The following MICU3 variants were observed in gnomAD, a reference collection of about 807,000 sequenced individuals.
MICU3 encodes the protein mitochondrial calcium uptake 3.
MICU3 carries 62 observed loss-of-function variants against 66.5 expected under a neutral mutation model. The observed-to-expected ratio is 0.93, with a 90% CI of 0.76 to 1.15. The LOEUF is 1.15. Ranked by LOEUF, MICU3 falls within the 50% of genes most tolerant of loss-of-function variation. MICU3 has a pLI of 0.00. For missense variants in MICU3, 779 were observed against 664.4 expected (o/e 1.17, Z -1.90); for synonymous variants, 308 against 240.7 (o/e 1.28, Z -2.59).
the MICU3 span, among the ~76,000 whole-genome samples, chr8:17,137,418 T>C: frequency 0.31 from 45,946 of 149,756 alleles, 8,150 homozygotes; most frequent in Middle Eastern, 0.48. Flanking sequence ...TGATATTAAA[T>C]AGCACATAAA....
intron 5 of MICU3, chr8:17,081,968 T>C: frequency 3.1e-6 from 1 of 323,730 alleles, no homozygotes; most frequent in South Asian, 3.3e-5. Flanking sequence ...ATAAATTTAA[T>C]ATTACGTGTC....
rs1172875014 is a variant in MICU3, at chr8:17,121,737, A to G, written c.*1450A>G. The G allele has an allele frequency of 6.6e-6, 1 of 152,238 alleles. No individual in the cohort carries two copies. The allele number at this position is 152,238 out of a possible 1,614,324, so 9.4% of individuals were successfully genotyped here. ...CAAGAAAATGTTACTCTTAGCATTG[A>G]TTTTGTATGTTAGACTTTTTACATT... On this transcript the variant is annotated 3_prime_UTR_variant, in exon 15 of 15. Transcript: ENST00000318063.
chr8:17,049,610 T>C (rs1434074244), intron 1 of MICU3: 1 of 518,704 alleles, frequency 1.9e-6, no homozygotes, highest in Non-Finnish European at 3.8e-6. Flanking sequence ...AAGCTGGCAT[T>C]TGAACGTAGG....
At chr8:17,064,502 C>G (rs1331704944) in intron 2 of MICU3, among the ~76,000 whole-genome samples, 1 of 152,094 alleles carries the variant, frequency 6.6e-6, no homozygotes, top group Non-Finnish European at 1.5e-5. Flanking sequence ...CATATTCTGC[C>G]TCTTCATTCT....
At chr8:17,125,710 T>G (rs1451817090), downstream of MICU3, among the ~76,000 whole-genome samples, 1 of 152,086 alleles carries the variant, frequency 6.6e-6, no homozygotes, top group Admixed American at 6.6e-5. Flanking sequence ...ACCCCAAACT[T>G]CAATCCTCTC....
chr8:17,093,721 C>G (rs965636288), intron 8 of MICU3, among the ~76,000 whole-genome samples: 2 of 151,774 alleles, frequency 1.3e-5, no homozygotes, highest in Non-Finnish European at 2.9e-5. Context: ...TATGCTATCC[C>G]TAGATCTCTA....
At chr8:17,132,569 G>A in the MICU3 span, 6,688 of 152,204 alleles carry the variant, frequency 0.044, 233 homozygotes, top group Non-Finnish European at 0.067. Flanking sequence ...TTGGCAATAG[G>A]GATCAGTCAC....
At chr8:17,135,240 A>C in the MICU3 span, among the ~76,000 whole-genome samples, 1,135 of 152,180 alleles carry the variant, frequency 7.5e-3, 13 homozygotes, top group African/African-American at 0.026. Flanking sequence ...CCCTACTAGA[A>C]ATACCAAAAT....
intron 13 of MICU3, 56 bp from the exon 14 acceptor site, chr8:17,118,651 A>G: frequency 4.4e-6 from 5 of 1,123,602 alleles, no homozygotes; most frequent in Non-Finnish European, 6.6e-6. Flanking sequence ...TGTAAGTGAA[A>G]TCACGCTGTA....
intron 2 of MICU3, 80 bp from the exon 3 acceptor site, chr8:17,069,608 G>A (rs1020710412): frequency 1.3e-5 from 11 of 855,380 alleles, no homozygotes; most frequent in East Asian, 3.1e-5. Context: ...TATGAGTTAT[G>A]GTTGTAGATG....
chr8:17,046,230 G>C (rs1234585146), intron 1 of MICU3, among the ~76,000 whole-genome samples: 1 of 152,114 alleles, frequency 6.6e-6, no homozygotes, highest in Non-Finnish European at 1.5e-5. Flanking sequence ...TAACCTGTGG[G>C]ATCTAGCACT....
At chr8:17,129,231 G>A in the MICU3 span, among the ~76,000 whole-genome samples, 1 of 152,160 alleles carries the variant, frequency 6.6e-6, no homozygotes, top group Non-Finnish European at 1.5e-5. Context: ...CAACAGTGTA[G>A]TATCCATAAC....
intron 10 of MICU3, among the ~76,000 whole-genome samples, 196 bp downstream of exon 10, chr8:17,104,687 T>G (rs1801580124): frequency 6.6e-6 from 1 of 151,960 alleles, no homozygotes; most frequent in Admixed American, 6.6e-5. Flanking sequence ...AGGAAGTTAC[T>G]GAATTTTTTT....
chr8:17,065,312 A>G (rs1818513514), intron 2 of MICU3, among the ~76,000 whole-genome samples: 1 of 152,178 alleles, frequency 6.6e-6, no homozygotes, highest in Non-Finnish European at 1.5e-5. Context: ...GCTACTTGAC[A>G]TAGTAACTTT....
At position 17,027,599 on chromosome 8, in the gene MICU3, C is replaced by A. The variant is rs912229512; in HGVS notation, c.320C>A (p.Pro107His). 7 of 1,302,954 alleles carry A rather than the reference C, an allele frequency of 5.4e-6. No homozygotes were observed. In the African/African-American group the frequency reaches 1.1e-4, roughly 20 times the overall value. The allele number at this position is 1,302,954 out of a possible 1,614,324, so 80.7% of individuals were successfully genotyped here. A position where few individuals can be genotyped will look rare whatever the true frequency, so the allele number is the denominator to read the frequency against. The stretch of plus-strand genomic sequence containing the variant: ...CCCTCAAAGAGCGCGGCCACGGAGC[C>A]CGAGGACCCGCCCCGCGGCCGGGGG... The part of the protein sequence containing the change: ...GRPSKSAATE[P>H]EDPPRGRGML... The change falls in exon 1 of 15, where the codon CCC becomes CAC. Residue 107 changes from proline to histidine, a missense_variant. By Grantham distance (77) the Pro-to-His change is moderately conservative (BLOSUM62 -2). Coordinates refer to ENST00000318063, the MANE Select transcript of MICU3 (RefSeq NM_181723.3).
At chr8:17,074,463 A>G (rs543255076) in intron 3 of MICU3, among the ~76,000 whole-genome samples, 85 of 152,150 alleles carry the variant, frequency 5.6e-4, no homozygotes, top group Non-Finnish European at 1.1e-3. Flanking sequence ...TATGCTCACT[A>G]TAATATATTA....
the MICU3 span, among the ~76,000 whole-genome samples, chr8:17,138,396 T>C: frequency 1.3e-5 from 2 of 152,160 alleles, no homozygotes; most frequent in Non-Finnish European, 1.5e-5. Flanking sequence ...TCAACCGTCA[T>C]GGCAGGGTGG....
intron 7 of MICU3, among the ~76,000 whole-genome samples, 194 bp downstream of exon 7, chr8:17,087,229 AAAC>A (rs939362554): frequency 2.3e-4 from 35 of 152,212 alleles, no homozygotes; most frequent in African/African-American, 7.9e-4. Context: ...TATTGATATT[AAAC>A]ATTTGTATCC....
intron 6 of MICU3, among the ~76,000 whole-genome samples, chr8:17,085,785 A>G (rs1213214425): frequency 6.6e-6 from 1 of 151,694 alleles, no homozygotes; most frequent in Admixed American, 6.6e-5. Flanking sequence ...CCTTTCTGTT[A>G]TCTTTGACCA....
Sources: gnomAD v4.1 joint callset for allele counts (sites outside exome capture counted in the v4.1 genomes callset) on GRCh38, gnomAD v4.1.1 for gene constraint, MANE v1.5 for transcripts, NCBI Gene and HGNC (gene_info 2026-07-23, HGNC 2026-07-21) for gene names.